Variants in CENPT observed in about 807,000 individuals in gnomAD.
CENPT encodes centromere protein T, also known as interphase centromere complex protein 22.
Under a neutral mutation model 59.7 loss-of-function variants are expected in CENPT, and 42 were observed. That is an observed-to-expected ratio of 0.70 (90% CI 0.55 to 0.91). CENPT has a LOEUF of 0.91. CENPT is among the 40% of genes least tolerant of loss of function. CENPT has a pLI of 0.00. For missense variants in CENPT, 716 were observed against 713.4 expected, an observed-to-expected ratio of 1.00 and a Z score of -0.04; for synonymous variants, 295 against 289.6, an observed-to-expected ratio of 1.02 and a Z score of -0.19.
At chr16:67,841,010 CATATATATATATATATATATAT>C (rs66882634) in intron 1 of CENPT, among the ~76,000 whole-genome samples, 7 of 109,384 alleles carry the variant, frequency 6.4e-5, no homozygotes, top group African/African-American at 1.1e-4. Context: ...ATACAAAATA[CATATATATATATATATATATAT>C]ATATATATAT....
chr16:67,830,520 G>T lies in CENPT; in HGVS notation c.732C>A (p.Phe244Leu), dbSNP rs747232781. ...TGGGGGAGCCAACCATGGGCTGAGA[G>T]AACGGCTGGGTGTCCTCCAACACAA... ...PNIVLEDTQP[F>L]SQPMVGSPNV... Residue 244 changes from phenylalanine to leucine, a missense_variant, in exon 11 of 16, where the codon TTC (phenylalanine) becomes TTA (leucine). Phe to Leu is a conservative substitution (Grantham distance 22). Transcript: ENST00000562787. 1.9e-6 allele frequency: 3 copies of T among 1,614,022 alleles called. No individual in the cohort carries two copies. Among genetic ancestry groups the T allele is most frequent in the South Asian group, 1.1e-5 (1 of 91,086 alleles).
chr16:67,843,729 T>G lies in CENPT; in HGVS notation c.-492+3672A>C. The G allele has an allele frequency of 2.0e-6, 1 of 492,326 alleles. No individual in the cohort carries two copies. The highest frequency in any genetic ancestry group is 3.7e-6 in the Non-Finnish European group (1 of 269,778). The allele number at this position is 492,326 out of a possible 1,614,324, so 30.5% of individuals were successfully genotyped here. A position where few individuals can be genotyped will look rare whatever the true frequency, so the allele number is the denominator to read the frequency against. On this transcript the variant is annotated intron_variant, in intron 1 of 15. Transcript: ENST00000562787. The surrounding 1 kb of genome is among the most constrained non-coding windows in gnomAD (Gnocchi z 5.7). ...CAGCAATTATGACTTTGTCTACCCTTCCTCCCCAGTTATTGTTGCAGATTC... is the reference window on the plus strand; with the variant it reads ...CAGCAATTATGACTTTGTCTACCCTGCCTCCCCAGTTATTGTTGCAGATTC...
At chr16:67,832,609 T>C (rs764444554) in intron 4 of CENPT, 64 bp from the exon 5 acceptor site, 2 of 1,432,124 alleles carry the variant, frequency 1.4e-6, no homozygotes, top group Non-Finnish European at 1.9e-6. Context: ...TATAGAGACA[T>C]GCCTTCATCA....
At position 67,829,530 on chromosome 16, in the gene CENPT, G is replaced by A. The variant is rs928046220; in HGVS notation, c.1187-14C>T. The A allele has an allele frequency of 6.3e-7, 1 of 1,594,334 alleles. No individual in the cohort carries two copies. The stretch of plus-strand genomic sequence containing the variant: ...ACTCTGGACTTGCTACAAAGAAGAA[G>A]GGTGGGGTCACAGGGATTCCAGGCC... On this transcript the variant is annotated splice_polypyrimidine_tract_variant and intron_variant, in intron 12 of 15. Transcript: ENST00000562787.
In CENPT at chr16:67,842,513, C is replaced by T. The variant is rs750779010; in HGVS notation, c.-492+4888G>A. ...GCGTAGCCACTGGGCCGTCGAAGAG[C>T]GCAGGAGGCCGGTGGGCCGGGCCGG... On this transcript the variant is annotated intron_variant, in intron 1 of 15. Transcript: ENST00000562787. This position sits in a 1 kb window ranked among gnomAD's most constrained non-coding sequence, Gnocchi z 4.9. The T allele has an allele frequency of 2.7e-6, 4 of 1,460,634 alleles. No individual in the cohort carries two copies. The highest frequency in any genetic ancestry group is 2.8e-5 in the African/African-American group (2 of 70,368). The allele number at this position is 1,460,634 out of a possible 1,614,324, so 90.5% of individuals were successfully genotyped here. A position where few individuals can be genotyped will look rare whatever the true frequency, so the allele number is the denominator to read the frequency against.
chr16:67,831,316 T>C lies in CENPT; in HGVS notation c.603A>G (p.Ser201=), dbSNP rs2057686334. Residue 201 remains serine (S), a synonymous_variant, in exon 10 of 16, where the codon TCA becomes TCG. Transcript: ENST00000562787. ...LTFATPLQPQ[S]VQRPGLARRP... The stretch of plus-strand genomic sequence containing the variant: ...TGCGGGCCAAGCCAGGCCTCTGCAC[T>C]GACTGTGGCTGAAGAGGTGTGGCAA... The C allele has an allele frequency of 6.2e-7, 1 of 1,614,140 alleles. No individual in the cohort carries two copies.
In CENPT at chr16:67,833,837, C is replaced by T. The variant is rs373445202; in HGVS notation, c.23G>A (p.Ser8Asn). ...CAGCAGCGTGCGCGGCGTGGAGTCGCTGTCAGGGTTGTGGTCAGCCATCGT... is the reference window on the plus strand; with the variant it reads ...CAGCAGCGTGCGCGGCGTGGAGTCGTTGTCAGGGTTGTGGTCAGCCATCGT... MADHNPD[S>N]DSTPRTLLRR... The change falls in exon 4 of 16, where the codon AGC becomes AAC. Residue 8 changes from serine (S) to asparagine (N), a missense_variant. By Grantham distance (46) the Ser-to-Asn change is conservative. Coordinates refer to ENST00000562787, the MANE Select transcript of CENPT (RefSeq NM_025082.4). The T allele has an allele frequency of 1.9e-6, 3 of 1,569,836 alleles. No individual in the cohort carries two copies. The highest frequency in any genetic ancestry group is 2.8e-5 in the African/African-American group (2 of 72,158).
At chr16:67,844,907 C>T (rs1199990382) in intron 1 of CENPT, among the ~76,000 whole-genome samples, 1 of 151,868 alleles carries the variant, frequency 6.6e-6, no homozygotes, top group South Asian at 2.1e-4. Context: ...TTCTGCCTCA[C>T]CCTCCTGAGT....
chr16:67,842,893 A>ACAGCAGCAGCAGCAGCAACAG lies in CENPT; in HGVS notation c.-492+4507_-492+4508insCTGTTGCTGCTGCTGCTGCTG, dbSNP rs775638390. 169 of 1,585,550 alleles carry ACAGCAGCAGCAGCAGCAACAG rather than the reference A, an allele frequency of 1.1e-4. 1 individual carries two copies. In the South Asian group the frequency reaches 2.0e-3, roughly 18 times the overall value. On this transcript the variant is annotated intron_variant, in intron 1 of 15. Transcript: ENST00000562787. The surrounding 1 kb of genome is among the most constrained non-coding windows in gnomAD (Gnocchi z 4.9). Reference sequence around the variant, plus strand: ...AGCAGCAACAGCAGCAGCAGCAGCAACAGCAGCAACAGCAGCAGCAGCAGC... The same window carrying ACAGCAGCAGCAGCAGCAACAG: ...AGCAGCAACAGCAGCAGCAGCAGCAACAGCAGCAGCAGCAGCAACAGCAGCAGCAACAGCAGCAGCAGCAGC...
chr16:67,843,148 C>T lies in CENPT; in HGVS notation c.-492+4253G>A. ...TCACAGTGCAAGTGGAGTTTGCAGCCGCAGAGGGCGCAGCCGCTGCGGCCG... is the reference window on the plus strand; with the variant it reads ...TCACAGTGCAAGTGGAGTTTGCAGCTGCAGAGGGCGCAGCCGCTGCGGCCG... On this transcript the variant is annotated intron_variant, in intron 1 of 15. Transcript: ENST00000562787. The surrounding 1 kb of genome is among the most constrained non-coding windows in gnomAD (Gnocchi z 5.7). 6.2e-7 allele frequency: 1 copy of T among 1,609,176 alleles called. No homozygotes were observed. The highest frequency in any genetic ancestry group is 8.5e-7 in the Non-Finnish European group (1 of 1,179,316).
chr16:67,828,812 C>A lies in CENPT; in HGVS notation c.1312G>T (p.Val438Phe), dbSNP rs202232095. 1.2e-4 allele frequency: 191 copies of A among 1,589,972 alleles called. 1 individual carries two copies. The highest frequency in any genetic ancestry group is 1.7e-4 in the Middle Eastern group (1 of 5,960). The change falls in exon 14 of 16, where the codon GTC becomes TTC. Residue 438 changes from valine to phenylalanine, a missense_variant. Val to Phe is a conservative substitution (Grantham distance 50). Coordinates refer to ENST00000562787, the MANE Select transcript of CENPT (RefSeq NM_025082.4). ...GTCCGGGGCCTAGGGGGATGCCTGA[C>A]CAACAGAGGCTCTGCAGGCTCTGAA... ...LSSEPAEPLL[V>F]RHPPRPRTTG...
chr16:67,842,859 G>A lies in CENPT; in HGVS notation c.-492+4542C>T. The stretch of plus-strand genomic sequence containing the variant: ...CCCGCTGGGGCCGCGGCCGCCCGCC[G>A]CAGGCAGCAGCAGCAACAGCAGCAG... On this transcript the variant is annotated intron_variant, in intron 1 of 15. Coordinates refer to ENST00000562787, the MANE Select transcript of CENPT (RefSeq NM_025082.4). The surrounding 1 kb of genome is among the most constrained non-coding windows in gnomAD (Gnocchi z 4.9). The A allele has an allele frequency of 6.2e-7, 1 of 1,608,020 alleles. No homozygotes were observed. Among genetic ancestry groups the A allele is most frequent in the East Asian group, 2.2e-5 (1 of 44,518 alleles).
intron 12 of CENPT, 62 bp downstream of exon 12, chr16:67,829,702 CT>C: frequency 1.3e-6 from 2 of 1,546,800 alleles, no homozygotes; most frequent in Non-Finnish European, 1.8e-6. Context: ...CAGACAAGGC[CT>C]TTCTGTGTGC....
Position 67,833,869 on chromosome 16 carries a change from C to CCCGGG in CENPT, c.-15_-11dup, listed in dbSNP as rs2057717901. 6.7e-7 allele frequency: 1 copy of CCCGGG among 1,495,336 alleles called. No homozygotes were observed. The highest frequency in any genetic ancestry group is 8.9e-7 in the Non-Finnish European group (1 of 1,125,482). The allele number at this position is 1,495,336 out of a possible 1,614,324, so 92.6% of individuals were successfully genotyped here. On this transcript the variant is annotated 5_prime_UTR_variant, in exon 4 of 16. Transcript: ENST00000562787. The stretch of plus-strand genomic sequence containing the variant: ...GGTTGTGGTCAGCCATCGTCTCGGC[C>CCCGGG]CCGGGCCCTCCTAACCGCCCAGCCA...
chr16:67,834,556 C>CT (rs1026579730), intron 3 of CENPT, among the ~76,000 whole-genome samples: 3 of 151,978 alleles, frequency 2.0e-5, no homozygotes, highest in Non-Finnish European at 2.9e-5. Flanking sequence ...GAGTTCAAGA[C>CT]TTAAGTGAGT....
intron 1 of CENPT, among the ~76,000 whole-genome samples, chr16:67,844,525 T>C (rs1489796380): frequency 8.5e-5 from 13 of 152,224 alleles, no homozygotes; most frequent in Non-Finnish European, 1.6e-4. Context: ...GGGTTTCAAT[T>C]CTCAGCTGGG....
rs376562503 is a variant in CENPT, at chr16:67,828,627, C to G, written c.1457+40G>C. On this transcript the variant is annotated intron_variant, in intron 14 of 15. Coordinates refer to ENST00000562787, the MANE Select transcript of CENPT (RefSeq NM_025082.4). Reference sequence around the variant, plus strand: ...CAGGCTGAACAGTCTGATCATGACCCGAGGGGTTCCTCTCCCTACCCCATG... The same window carrying G: ...CAGGCTGAACAGTCTGATCATGACCGGAGGGGTTCCTCTCCCTACCCCATG... 3.1e-6 allele frequency: 5 copies of G among 1,613,718 alleles called. No individual in the cohort carries two copies. The African/African-American group carries it at 5.3e-5, about 17-fold the overall frequency.
intron 3 of CENPT, among the ~76,000 whole-genome samples, chr16:67,834,936 G>A (rs1214595592): frequency 6.6e-6 from 1 of 152,078 alleles, no homozygotes; most frequent in South Asian, 2.1e-4. Context: ...CCACCTCCTG[G>A]GTTCAAGCGA....
Position 67,830,470 on chromosome 16 carries a change from G to A in CENPT, c.782C>T (p.Thr261Met), listed in dbSNP as rs575604055. ...SPNVYHSLPC[T>M]PHTGAEDAEQ... ...AGCGTCTTCAGCCCCAGTGTGAGGC[G>A]TGCAGGGCAGGGAGTGATACACGTT... Residue 261 changes from threonine (T) to methionine (M), a missense_variant, in exon 11 of 16, where the codon ACG becomes ATG. Coordinates refer to ENST00000562787, the MANE Select transcript of CENPT (RefSeq NM_025082.4). 100 of 1,614,150 alleles carry A rather than the reference G, an allele frequency of 6.2e-5. No homozygotes were observed. Among genetic ancestry groups the A allele is most frequent in the South Asian group, 4.9e-4 (45 of 91,080 alleles).
Sources: allele counts gnomAD v4.1 joint callset (sites outside exome capture counted in the v4.1 genomes callset), GRCh38; gene constraint gnomAD v4.1.1; non-coding constraint Gnocchi (gnomAD v3.1); transcripts MANE v1.5; gene names NCBI Gene and HGNC (gene_info 2026-07-23, HGNC 2026-07-21).